Variants in HTT observed in about 807,000 individuals in gnomAD.
HTT encodes the protein huntington disease protein.
Under a neutral mutation model 362.3 loss-of-function variants are expected in HTT, and 104 were observed. The observed-to-expected ratio is 0.29, with a 90% confidence interval of 0.24 to 0.34. The LOEUF (loss-of-function observed/expected upper bound fraction) is 0.34, where lower values mean the gene tolerates loss of function less well. HTT is among the 10% of genes least tolerant of loss of function. HTT has a pLI of 1.00. For synonymous variants in HTT, 1,577 were observed against 1,548.7 expected (o/e 1.02, Z -0.43); for missense variants, 3,301 against 3,928.6 (o/e 0.84, Z 4.27).
chr4:3,187,588 A>T lies in HTT; in HGVS notation c.4990-63A>T, dbSNP rs537236435. ...GTTATTTTCTTTCACAAAATTGGCAATTGGGGGAAATTTAATCTTCCTTTT... is the reference window on the plus strand; with the variant it reads ...GTTATTTTCTTTCACAAAATTGGCATTTGGGGGAAATTTAATCTTCCTTTT... On this transcript the variant is annotated intron_variant, in intron 38 of 66. Transcript: ENST00000355072. 5.3e-5 allele frequency: 64 copies of T among 1,204,374 alleles called. No homozygotes were observed. The African/African-American group carries it at 8.5e-4, about 16-fold the overall frequency. 74.6% of individuals were successfully genotyped at this position (1,204,374 alleles called of 1,614,324 possible).
At position 3,243,570 on chromosome 4, in the gene HTT, C is replaced by A. The variant is rs1208401558; in HGVS notation, c.*3511C>A. The A allele has an allele frequency of 1.3e-5, 2 of 152,402 alleles. No individual in the cohort carries two copies. The highest frequency in any genetic ancestry group is 2.9e-5 in the Non-Finnish European group (2 of 68,056). The allele number at this position is 152,402 out of a possible 1,614,324, so 9.4% of individuals were successfully genotyped here. A position where few individuals can be genotyped will look rare whatever the true frequency, so the allele number is the denominator to read the frequency against. On this transcript the variant is annotated 3_prime_UTR_variant, in exon 67 of 67. Coordinates refer to ENST00000355072, the MANE Select transcript of HTT (RefSeq NM_001388492.1). The stretch of plus-strand genomic sequence containing the variant: ...CCTGGAAGGTTCAGGGGCCGCTCTT[C>A]CCCCATGTGCCTGTCACGCTCTGGT...
At position 3,230,003 on chromosome 4, in the gene HTT, G is replaced by C. The variant is rs1365319939; in HGVS notation, c.8226G>C (p.Leu2742=). The part of the protein sequence containing the change: ...PSEDEILAQY[L]VPATCKAAAV... ...AAGACGAGATCCTCGCTCAGTACCT[G>C]GTGCCTGCCACCTGCAAGGCAGCTG... is the stretch of plus-strand genomic sequence containing the variant. The change falls in exon 60 of 67, where the codon CTG becomes CTC. Residue 2742 remains leucine, a synonymous_variant. Coordinates refer to ENST00000355072, the MANE Select transcript of HTT (RefSeq NM_001388492.1). The C allele has an allele frequency of 6.2e-7, 1 of 1,613,914 alleles. No homozygotes were observed. The highest frequency in any genetic ancestry group is 1.3e-5 in the African/African-American group (1 of 74,906).
intron 29 of HTT, among the ~76,000 whole-genome samples, chr4:3,168,538 C>T (rs892226611): frequency 6.6e-6 from 1 of 152,026 alleles, no homozygotes; most frequent in African/African-American, 2.4e-5. Flanking sequence ...TTTTTCTTGT[C>T]TTCTAATCCT....
chr4:3,093,928 T>TTTTTTTTTTTTTTTTTTTTTTTTTTTG, intron 2 of HTT, among the ~76,000 whole-genome samples: 1 of 144,356 alleles, frequency 6.9e-6, no homozygotes. Flanking sequence ...TTTTTTTTTT[T>TTTTTTTTTTTTTTTTTTTTTTTTTTTG]TAGTATTTAT....
chr4:3,112,897 C>T (rs777146305), intron 6 of HTT: 17 of 238,436 alleles, frequency 7.1e-5, no homozygotes, highest in Non-Finnish European at 9.5e-5. Flanking sequence ...CTCTGGTCCT[C>T]GCTAGCACTT....
At chr4:3,110,710 A>G (rs951928792) in intron 6 of HTT, among the ~76,000 whole-genome samples, 1 of 152,236 alleles carries the variant, frequency 6.6e-6, no homozygotes, top group East Asian at 1.9e-4. Flanking sequence ...AAAATCTCCA[A>G]CGTGACCCGA....
chr4:3,165,813 A>AT (rs962772418), intron 29 of HTT, among the ~76,000 whole-genome samples: 1 of 151,452 alleles, frequency 6.6e-6, no homozygotes, highest in Non-Finnish European at 1.5e-5. Flanking sequence ...TTAGTCTAAC[A>AT]TTTTTTTCAA....
chr4:3,087,051 A>G, intron 2 of HTT, 29 bp downstream of exon 2: 2 of 1,235,772 alleles, frequency 1.6e-6, no homozygotes, highest in Non-Finnish European at 2.3e-6. Flanking sequence ...GTCTAGAGAA[A>G]ATAAGAACTT....
In HTT at chr4:3,174,997, T is replaced by C. The variant is rs1274711146; in HGVS notation, c.4297T>C (p.Leu1433=). Residue 1433 remains leucine, a synonymous_variant, in exon 33 of 67, where the codon TTA becomes CTA. Transcript: ENST00000355072. ...GTTTGAACCTCTTGTTATAAAAGCT[T>C]TAAAACAGTACACGACTACAACATG... ...RLFEPLVIKA[L]KQYTTTTCVQ... The C allele has an allele frequency of 6.2e-7, 1 of 1,612,642 alleles. No homozygotes were observed. The highest frequency in any genetic ancestry group is 1.1e-5 in the South Asian group (1 of 90,914).
intron 44 of HTT, 81 bp downstream of exon 44, chr4:3,207,064 C>A: frequency 7.3e-7 from 1 of 1,368,976 alleles, no homozygotes; most frequent in Non-Finnish European, 1.0e-6. Flanking sequence ...GCTTTTTCCT[C>A]CGTAAGTATG....
At chr4:3,119,962 G>A (rs1177452600) in intron 8 of HTT, among the ~76,000 whole-genome samples, 1 of 152,198 alleles carries the variant, frequency 6.6e-6, no homozygotes, top group East Asian at 1.9e-4. Context: ...TAGCATGAAA[G>A]CAGCCACAGG....
At position 3,127,317 on chromosome 4, in the gene HTT, A is replaced by T. The variant is rs548696125; in HGVS notation, c.1456A>T (p.Thr486Ser). 1.9e-6 allele frequency: 3 copies of T among 1,614,104 alleles called. No individual in the cohort carries two copies. ...GELAASSGVS[T>S]PGSAGHDIIT... Reference sequence around the variant, plus strand: ...GCTGGCTGCTTCTTCAGGGGTTTCCACTCCAGGGTCAGCAGGTCATGACAT... The same window carrying T: ...GCTGGCTGCTTCTTCAGGGGTTTCCTCTCCAGGGTCAGCAGGTCATGACAT... Residue 486 changes from threonine to serine, a missense_variant, in exon 12 of 67, where the codon ACT (threonine) becomes TCT (serine). Around this residue, in one of 4 missense-constraint regions of HTT, gnomAD observed 2,316 missense variants for 2,658.5 expected, o/e 0.87. Coordinates refer to ENST00000355072, the MANE Select transcript of HTT (RefSeq NM_001388492.1).
chr4:3,083,796 A>G (rs1027421546), intron 1 of HTT, among the ~76,000 whole-genome samples: 16 of 152,168 alleles, frequency 1.1e-4, no homozygotes, highest in Admixed American at 9.2e-4. Context: ...CATTAATCCT[A>G]GAGAAATGAA....
chr4:3,220,105 G>A, intron 52 of HTT, 77 bp from the exon 53 acceptor site: 1 of 1,545,450 alleles, frequency 6.5e-7, no homozygotes, highest in Middle Eastern at 1.7e-4. Context: ...GTGGAGAGAA[G>A]TCGGGCTTCC....
intron 60 of HTT, among the ~76,000 whole-genome samples, chr4:3,232,010 C>T (rs540257788): frequency 4.6e-5 from 7 of 152,304 alleles, no homozygotes; most frequent in South Asian, 2.1e-4. Flanking sequence ...TTGGTACCCA[C>T]GTATCCAGAG....
intron 23 of HTT, among the ~76,000 whole-genome samples, 190 bp downstream of exon 23, chr4:3,143,076 G>GT (rs1038320134): frequency 1.6e-4 from 25 of 152,118 alleles, no homozygotes; most frequent in Non-Finnish European, 3.5e-4. Flanking sequence ...AAATGACTAT[G>GT]TTTTTTCTGA....
At chr4:3,166,023 A>T (rs894394389) in intron 29 of HTT, among the ~76,000 whole-genome samples, 2 of 152,020 alleles carry the variant, frequency 1.3e-5, no homozygotes, top group Non-Finnish European at 2.9e-5. Flanking sequence ...CCTTTCTGCT[A>T]TGGTTTCTCC....
At chr4:3,194,925 G>T (rs1377017587) in intron 40 of HTT, among the ~76,000 whole-genome samples, 1 of 152,172 alleles carries the variant, frequency 6.6e-6, no homozygotes, top group Non-Finnish European at 1.5e-5. Flanking sequence ...ATGGGTATGT[G>T]GTAGGTTTAA....
chr4:3,170,905 A>G (rs533526509), intron 29 of HTT, among the ~76,000 whole-genome samples: 5 of 152,232 alleles, frequency 3.3e-5, no homozygotes, highest in Non-Finnish European at 7.4e-5. Flanking sequence ...GTCTCACTCT[A>G]TTACATTAGA....
Sources: gnomAD v4.1 joint callset for allele counts (sites outside exome capture counted in the v4.1 genomes callset) on GRCh38, gnomAD v4.1.1 for gene constraint, gnomAD v4.1.1 regional missense constraint, MANE v1.5 for transcripts, NCBI Gene and HGNC (gene_info 2026-07-23, HGNC 2026-07-21) for gene names.